Variants in SRRM3 observed in about 807,000 individuals in gnomAD.
SRRM3 encodes serine/arginine repetitive matrix 3.
In SRRM3, 27 loss-of-function variants were observed where a neutral mutation model predicts 66.2. The observed-to-expected ratio is 0.41, with a 90% CI of 0.30 to 0.56. The LOEUF (loss-of-function observed/expected upper bound fraction) is 0.56, where lower values mean the gene tolerates loss of function less well. SRRM3 is among the 20% of genes least tolerant of loss of function. The probability of loss-of-function intolerance (pLI) is 0.32; values close to 1 mark genes in which losing one functional copy is unlikely to be tolerated. For synonymous variants in SRRM3, 391 were observed against 414.9 expected, an observed-to-expected ratio of 0.94 and a Z score of 0.70; for missense variants, 918 against 991.9, an observed-to-expected ratio of 0.93 and a Z score of 1.00.
At chr7:76,237,428 A>C (rs1801179107) in intron 2 of SRRM3, among the ~76,000 whole-genome samples, 1 of 152,076 alleles carries the variant, frequency 6.6e-6, no homozygotes, top group South Asian at 2.1e-4. Context: ...AAAATAAATT[A>C]GCCAGGCATG....
At chr7:76,252,603 G>C (rs1801606030) in intron 3 of SRRM3, among the ~76,000 whole-genome samples, 1 of 151,930 alleles carries the variant, frequency 6.6e-6, no homozygotes, top group South Asian at 2.1e-4. Flanking sequence ...ACAGGCGTGA[G>C]CCACCGGGCC....
rs1172354119 is a variant in SRRM3, at chr7:76,263,811, T to G, written c.675-954T>G. The stretch of plus-strand genomic sequence containing the variant: ...TTGCTTGAACCTGCAAGGTGGAGGT[T>G]GCAGTGAGCTGAGATTGTGCCACTG... On this transcript the variant is annotated intron_variant, in intron 8 of 14. Transcript: ENST00000611745. 4.4e-5 allele frequency among the ~76,000 whole-genome samples: 6 copies of G among 134,988 alleles called. No homozygotes were observed. The East Asian group carries it at 1.1e-3, about 24-fold the overall frequency. The allele number at this position is 134,988 out of a possible 152,430, so 88.6% of individuals were successfully genotyped here.
rs782311370 is a variant in SRRM3 at position 76,248,269 on chromosome 7, G to A, written c.315G>A (p.Glu105=). 1 of 1,613,702 alleles carries A rather than the reference G, an allele frequency of 6.2e-7. No homozygotes were observed. The highest frequency in any genetic ancestry group is 1.7e-5 in the Admixed American group (1 of 59,990). Reference sequence around the variant, plus strand: ...AGAAGGAGGGAGTGCTCACCAGGGAGGACCGGCCTGGGGGCCACATGTGAG... The same window carrying A: ...AGAAGGAGGGAGTGCTCACCAGGGAAGACCGGCCTGGGGGCCACATGTGAG... ...LMEKEGVLTR[E]DRPGGHIVAE... The change falls in exon 3 of 15, where the codon GAG becomes GAA. Residue 105 remains glutamate, a synonymous_variant. Coordinates refer to ENST00000611745, the MANE Select transcript of SRRM3 (RefSeq NM_001110199.3).
At chr7:76,221,433 G>T (rs1328825752) in intron 1 of SRRM3, among the ~76,000 whole-genome samples, 1 of 143,598 alleles carries the variant, frequency 7.0e-6, no homozygotes, top group Non-Finnish European at 1.5e-5. Flanking sequence ...CATGATCTCA[G>T]CTCACTGCAA....
At position 76,279,050 on chromosome 7, in the gene SRRM3, C is replaced by T. The variant is rs145055459; in HGVS notation, c.1009-2391C>T. Among the ~76,000 whole-genome samples the T allele has an allele frequency of 1.1e-3, 162 of 152,178 alleles. 1 individual carries two copies. Among genetic ancestry groups the T allele is most frequent in the African/African-American group, 3.8e-3 (159 of 41,546 alleles). On this transcript the variant is annotated intron_variant, in intron 11 of 14. Coordinates refer to ENST00000611745, the MANE Select transcript of SRRM3 (RefSeq NM_001110199.3). ...AGAGGATCACTTGAGGTCAGGAGTT[C>T]GAGACCAGCACCAGCCTGGCCAACA...
At chr7:76,232,096 C>G (rs1176943753) in intron 1 of SRRM3, among the ~76,000 whole-genome samples, 4 of 152,200 alleles carry the variant, frequency 2.6e-5, no homozygotes, top group Non-Finnish European at 5.9e-5. Flanking sequence ...CTCTTGCCTC[C>G]TGTTGTCACG....
intron 2 of SRRM3, among the ~76,000 whole-genome samples, chr7:76,241,527 A>C (rs1434115139): frequency 6.6e-6 from 1 of 152,058 alleles, no homozygotes; most frequent in Non-Finnish European, 1.5e-5. Flanking sequence ...TTTTTGAGAC[A>C]GAGTCTCACT....
chr7:76,281,670 C>T lies in SRRM3; in HGVS notation c.1238C>T (p.Pro413Leu). 2.0e-6 allele frequency: 2 copies of T among 987,880 alleles called. No individual in the cohort carries two copies. Among genetic ancestry groups the T allele is most frequent in the Non-Finnish European group, 2.4e-6 (2 of 832,008 alleles). 61.2% of individuals were successfully genotyped at this position (987,880 alleles called of 1,614,324 possible). The change falls in exon 12 of 15, where the codon CCC becomes CTC. Residue 413 changes from proline (P) to leucine (L), a missense_variant. Coordinates refer to ENST00000611745, the MANE Select transcript of SRRM3 (RefSeq NM_001110199.3). Reference protein sequence around the residue: ...PRRRGRRRPRPAPPRGSSRSL... With the variant: ...PRRRGRRRPRLAPPRGSSRSL... ...CGCAGGGGTCGCCGGCGCCCCCGGCCCGCGCCCCCCCGGGGCTCGTCGCGC... is the reference window on the plus strand; with the variant it reads ...CGCAGGGGTCGCCGGCGCCCCCGGCTCGCGCCCCCCCGGGGCTCGTCGCGC...
In SRRM3 at chr7:76,282,964, G is replaced by A. The variant is rs781906356; in HGVS notation, c.1596G>A (p.Arg532=). Residue 532 remains arginine, a splice_region_variant and synonymous_variant, in exon 14 of 15, where the codon CGG becomes CGA. Coordinates refer to ENST00000611745, the MANE Select transcript of SRRM3 (RefSeq NM_001110199.3). ...RSPSPKKPLS[R]DKDGEGRARH... ...CACTTACCTCGCGCCGGCCCCGCAG[G>A]GACAAGGACGGCGAGGGCCGCGCAA... The A allele has an allele frequency of 2.9e-6, 4 of 1,365,306 alleles. No homozygotes were observed. The highest frequency in any genetic ancestry group is 3.4e-5 in the South Asian group (2 of 59,296). 84.6% of individuals were successfully genotyped at this position (1,365,306 alleles called of 1,614,324 possible). A position where few individuals can be genotyped will look rare whatever the true frequency, so the allele number is the denominator to read the frequency against.
chr7:76,228,901 CTT>C (rs71082398), intron 1 of SRRM3, among the ~76,000 whole-genome samples: 4 of 140,130 alleles, frequency 2.9e-5, no homozygotes, highest in Non-Finnish European at 1.5e-5. Context: ...TCCCCAGAGA[CTT>C]TTTTTTTTTT....
At chr7:76,244,125 C>A (rs1801378347) in intron 2 of SRRM3, among the ~76,000 whole-genome samples, 1 of 152,152 alleles carries the variant, frequency 6.6e-6, no homozygotes, top group Non-Finnish European at 1.5e-5. Flanking sequence ...AAAAGCCCCC[C>A]ACCCCTAACC....
chr7:76,227,737 T>A lies in SRRM3; in HGVS notation c.-39-7291T>A, dbSNP rs570739529. Among the ~76,000 whole-genome samples, 12 of 152,364 alleles carry A rather than the reference T, an allele frequency of 7.9e-5. 1 individual carries two copies. The South Asian group carries it at 2.1e-3, about 26-fold the overall frequency. Reference sequence around the variant, plus strand: ...TCTATACCCACAGCCTTTAATAACGTGAGGCCAAGAGTAGATGTTGGGTGA... The same window carrying A: ...TCTATACCCACAGCCTTTAATAACGAGAGGCCAAGAGTAGATGTTGGGTGA... On this transcript the variant is annotated intron_variant, in intron 1 of 14. Coordinates refer to ENST00000611745, the MANE Select transcript of SRRM3 (RefSeq NM_001110199.3).
At chr7:76,265,164 A>G (rs1189310144) in intron 9 of SRRM3, among the ~76,000 whole-genome samples, 200 bp from the exon 10 acceptor site, 2 of 151,992 alleles carry the variant, frequency 1.3e-5, no homozygotes, top group Non-Finnish European at 2.9e-5. Context: ...CTCACAGATG[A>G]CCCATATGGA....
chr7:76,238,034 T>G (rs1554605159), intron 2 of SRRM3, among the ~76,000 whole-genome samples: 1 of 151,844 alleles, frequency 6.6e-6, no homozygotes, highest in Non-Finnish European at 1.5e-5. Flanking sequence ...GTCCTTATCC[T>G]GGAGCCACCT....
At chr7:76,229,884 C>T (rs1800971291) in intron 1 of SRRM3, among the ~76,000 whole-genome samples, 1 of 151,608 alleles carries the variant, frequency 6.6e-6, no homozygotes, top group Non-Finnish European at 1.5e-5. Flanking sequence ...GCTTAGATTG[C>T]AGGCATGCAC....
At position 76,245,412 on chromosome 7, in the gene SRRM3, C is replaced by A. The variant is rs986729472; in HGVS notation, c.234-2776C>A. Among the ~76,000 whole-genome samples, 9 of 152,110 alleles carry A rather than the reference C, an allele frequency of 5.9e-5. No homozygotes were observed. In the East Asian group the frequency reaches 1.7e-3, roughly 29 times the overall value. On this transcript the variant is annotated intron_variant, in intron 2 of 14. Transcript: ENST00000611745. ...ATTTTTTTAAAATTATTTTTTAAAA[C>A]TTCGCTGGGTCCAAAAATTTTTTAA... is the stretch of plus-strand genomic sequence containing the variant.
intron 11 of SRRM3, among the ~76,000 whole-genome samples, chr7:76,278,511 A>G (rs1436713460): frequency 2.0e-5 from 3 of 150,184 alleles, no homozygotes; most frequent in Admixed American, 2.0e-4. Context: ...AATAAAAATG[A>G]AAGAGGGGCC....
In SRRM3 at chr7:76,213,307, G is replaced by C. The variant is rs570660365; in HGVS notation, c.-40+11240G>C. 7.2e-5 allele frequency among the ~76,000 whole-genome samples: 11 copies of C among 152,006 alleles called. No homozygotes were observed. In the East Asian group the frequency reaches 1.9e-3, roughly 27 times the overall value. ...ATTACAGGCGTGAGCCACCGTGCCC[G>C]GCTTTACACCCCATTCACACTGGTG... On this transcript the variant is annotated intron_variant, in intron 1 of 14. Transcript: ENST00000611745.
At chr7:76,226,359 AG>A (rs1800864142) in intron 1 of SRRM3, among the ~76,000 whole-genome samples, 1 of 152,336 alleles carries the variant, frequency 6.6e-6, no homozygotes, top group South Asian at 2.1e-4. Context: ...CCTGGCTTGT[AG>A]AAGAAGGAGT....
Sources: gnomAD v4.1 joint callset for allele counts (sites outside exome capture counted in the v4.1 genomes callset) on GRCh38, gnomAD v4.1.1 for gene constraint, MANE v1.5 for transcripts, NCBI Gene and HGNC (gene_info 2026-07-23, HGNC 2026-07-21) for gene names.